The following HDAC9 variants were observed in gnomAD, a reference collection of about 807,000 sequenced individuals.
HDAC9 encodes MEF-2 interacting transcription repressor (MITR) protein.
HDAC9 carries 41 observed loss-of-function variants against 139.4 expected under a neutral mutation model. That is an observed-to-expected ratio of 0.29 (90% confidence interval 0.23 to 0.38). The LOEUF is 0.38. HDAC9 is among the 10% of genes least tolerant of loss of function. The probability of loss-of-function intolerance (pLI) is 1.00; values close to 1 mark genes in which losing one functional copy is unlikely to be tolerated. For synonymous variants in HDAC9, 517 were observed against 476.2 expected (o/e 1.09, Z -1.12); for missense variants, 1,147 against 1,297.0 (o/e 0.88, Z 1.78).
chr7:18,777,059 G>A, intron 16 of HDAC9, among the ~76,000 whole-genome samples: 1 of 151,906 alleles, frequency 6.6e-6, no homozygotes, highest in East Asian at 1.9e-4. Flanking sequence ...TCTCTTCAGA[G>A]CTGGCTATGG....
chr7:18,955,887 G>A (rs1484807882), intron 24 of HDAC9, among the ~76,000 whole-genome samples: 3 of 152,076 alleles, frequency 2.0e-5, no homozygotes, highest in South Asian at 4.1e-4. Flanking sequence ...TGAAAGGAAC[G>A]ACAGAAGTGA....
Position 18,736,416 on chromosome 7 carries a change from C to A in HDAC9, c.1909+8659C>A, listed in dbSNP as rs144837450. 5.2e-3 allele frequency among the ~76,000 whole-genome samples: 785 copies of A among 152,204 alleles called. 10 individuals are homozygous for A. The highest frequency in any genetic ancestry group is 0.018 in the African/African-American group (735 of 41,532). On this transcript the variant is annotated intron_variant, in intron 13 of 25. Coordinates refer to ENST00000686413, the MANE Select transcript of HDAC9 (RefSeq NM_178425.4). ...TATTTTGAGATACATTCCATAAATACCTGATTTATTGAGAGTTTTTAGCAT... is the reference window on the plus strand; with the variant it reads ...TATTTTGAGATACATTCCATAAATAACTGATTTATTGAGAGTTTTTAGCAT...
At chr7:18,700,417 C>T (rs1226309590) in intron 12 of HDAC9, among the ~76,000 whole-genome samples, 1 of 152,156 alleles carries the variant, frequency 6.6e-6, no homozygotes, top group Non-Finnish European at 1.5e-5. Context: ...TTTAGTTTCC[C>T]AGAAGTAACT....
At chr7:18,418,435 A>C (rs975000820) in intron 1 of HDAC9, among the ~76,000 whole-genome samples, 3 of 151,614 alleles carry the variant, frequency 2.0e-5, no homozygotes, top group Non-Finnish European at 4.4e-5. Flanking sequence ...AAAAAAAAAA[A>C]AAAAAAACTA....
intron 1 of HDAC9, among the ~76,000 whole-genome samples, chr7:18,442,872 A>G (rs925066720): frequency 3.9e-5 from 6 of 152,182 alleles, no homozygotes; most frequent in African/African-American, 1.4e-4. Context: ...CACAGCTTCA[A>G]ACAGGGAAGG....
intron 21 of HDAC9, among the ~76,000 whole-genome samples, chr7:18,866,044 T>G (rs1412694904): frequency 6.7e-6 from 1 of 149,816 alleles, no homozygotes; most frequent in Non-Finnish European, 1.5e-5. Context: ...CTTTTGAGTT[T>G]CCACTCTTGT....
intron 2 of HDAC9, among the ~76,000 whole-genome samples, chr7:18,205,935 A>G (rs181055847): frequency 1.2e-4 from 18 of 152,256 alleles, no homozygotes; most frequent in African/African-American, 4.3e-4. Flanking sequence ...TGGGGTCTCA[A>G]ACATTCATTG....
chr7:18,327,868 T>C (rs554159727), intron 1 of HDAC9: 1 of 152,124 alleles, frequency 6.6e-6, no homozygotes, highest in African/African-American at 2.4e-5. Flanking sequence ...TCCTTTTTTA[T>C]TGTTATAGTA....
intron 2 of HDAC9, among the ~76,000 whole-genome samples, chr7:18,257,535 C>T (rs1795358405): frequency 6.6e-6 from 1 of 152,104 alleles, no homozygotes; most frequent in East Asian, 1.9e-4. Context: ...AAATGACCCA[C>T]ATACTTGTCT....
At chr7:18,172,560 T>A (rs183634394) in intron 2 of HDAC9, among the ~76,000 whole-genome samples, 1 of 152,250 alleles carries the variant, frequency 6.6e-6, no homozygotes, top group Non-Finnish European at 1.5e-5. Context: ...TGATTTTAGA[T>A]CTTTCTTGCT....
At chr7:18,743,057 T>C (rs1412555341) in intron 13 of HDAC9, among the ~76,000 whole-genome samples, 1 of 152,184 alleles carries the variant, frequency 6.6e-6, no homozygotes, top group Non-Finnish European at 1.5e-5. Flanking sequence ...ATAATATCCG[T>C]AGTATATTCT....
intron 2 of HDAC9, among the ~76,000 whole-genome samples, chr7:18,249,928 G>T (rs189292089): frequency 6.6e-6 from 1 of 152,070 alleles, no homozygotes; most frequent in East Asian, 1.9e-4. Flanking sequence ...TTCTACTCTA[G>T]GAACTGGAAA....
chr7:18,948,112 C>T (rs1320465992), intron 23 of HDAC9, among the ~76,000 whole-genome samples: 1 of 151,842 alleles, frequency 6.6e-6, no homozygotes. Context: ...CCACAGTATA[C>T]ATCAGGTTTA....
intron 1 of HDAC9, among the ~76,000 whole-genome samples, chr7:18,464,731 T>C (rs1355972261): frequency 6.6e-6 from 1 of 152,066 alleles, no homozygotes; most frequent in Non-Finnish European, 1.5e-5. Flanking sequence ...TATCTAGGAA[T>C]ATTTTATGCT....
chr7:18,403,646 A>T (rs755295339), intron 1 of HDAC9, among the ~76,000 whole-genome samples: 1 of 152,236 alleles, frequency 6.6e-6, no homozygotes, highest in Non-Finnish European at 1.5e-5. Context: ...AATGAACCCT[A>T]GGTAGGCTTG....
intron 2 of HDAC9, among the ~76,000 whole-genome samples, chr7:18,223,254 C>A (rs528616016): frequency 2.0e-5 from 3 of 152,036 alleles, no homozygotes; most frequent in African/African-American, 7.2e-5. Flanking sequence ...TATTTACATA[C>A]GTCTTTTTCT....
At chr7:18,297,154 A>G (rs192863637) in intron 1 of HDAC9, among the ~76,000 whole-genome samples, 2 of 152,206 alleles carry the variant, frequency 1.3e-5, no homozygotes, top group Non-Finnish European at 2.9e-5. Context: ...ACCTGGGGAC[A>G]AAAAGCTTAG....
At chr7:18,634,477 G>T in intron 7 of HDAC9, 150 bp from the exon 8 acceptor site, 1 of 568,974 alleles carries the variant, frequency 1.8e-6, no homozygotes. Flanking sequence ...CAGAGTTACT[G>T]CAGAAATTTT....
intron 24 of HDAC9, among the ~76,000 whole-genome samples, chr7:18,964,685 CAT>C (rs1407792277): frequency 6.6e-6 from 1 of 152,068 alleles, no homozygotes; most frequent in East Asian, 1.9e-4. Flanking sequence ...GGGAAAGAGA[CAT>C]ATCTTACATG....
Sources: gnomAD v4.1 joint callset for allele counts (sites outside exome capture counted in the v4.1 genomes callset) on GRCh38, gnomAD v4.1.1 for gene constraint, MANE v1.5 for transcripts, NCBI Gene and HGNC (gene_info 2026-07-23, HGNC 2026-07-21) for gene names.